Variants in SLMAP observed in about 807,000 individuals in gnomAD.
SLMAP encodes the protein sarcolemma associated protein, also known as sarcolemmal membrane-associated protein.
Under a neutral mutation model 128.8 loss-of-function variants are expected in SLMAP, and 44 were observed. The observed-to-expected ratio is 0.34, with a 90% CI of 0.27 to 0.44. The LOEUF is 0.44. SLMAP is among the 20% of genes least tolerant of loss of function. The probability of loss-of-function intolerance (pLI) is 1.00; values close to 1 mark genes in which losing one functional copy is unlikely to be tolerated. For synonymous variants in SLMAP, 327 were observed against 348.8 expected (o/e 0.94, Z 0.70); for missense variants, 787 against 985.3 (o/e 0.80, Z 2.69).
chr3:57,815,861 C>T (rs1197317139), intron 2 of SLMAP, among the ~76,000 whole-genome samples: 1 of 151,976 alleles, frequency 6.6e-6, no homozygotes, highest in East Asian at 1.9e-4. Flanking sequence ...GAATCAGTTC[C>T]CTGACTGAAA....
chr3:57,787,383 T>C (rs901508620), intron 2 of SLMAP, among the ~76,000 whole-genome samples: 5 of 152,222 alleles, frequency 3.3e-5, no homozygotes, highest in Admixed American at 3.3e-4. Flanking sequence ...AATCATATTT[T>C]CAAGCTAAAA....
chr3:57,848,235 G>T (rs2094344073), intron 5 of SLMAP, among the ~76,000 whole-genome samples: 2 of 142,522 alleles, frequency 1.4e-5, no homozygotes, highest in South Asian at 2.3e-4. Flanking sequence ...CCTCCTTCTT[G>T]GTTTTTTCTC....
chr3:57,918,475 T>G (rs1377966123), intron 22 of SLMAP: 3 of 152,234 alleles, frequency 2.0e-5, no homozygotes, highest in African/African-American at 7.2e-5. Flanking sequence ...GCAGCACATT[T>G]AAAAATATGT....
chr3:57,925,969 TC>T, intron 24 of SLMAP, 35 bp downstream of exon 24: 1 of 1,444,338 alleles, frequency 6.9e-7, no homozygotes, highest in Non-Finnish European at 9.5e-7. Context: ...TGTCTGTTTG[TC>T]CCCGTCACCT....
Position 57,757,650 on chromosome 3 carries a change from C to T in SLMAP, c.-2C>T. ...AGGAGAGACACCCCCAGTCTATCCTCGATGCCGTCAGCCTTGGCCATCTTC... is the reference window on the plus strand; with the variant it reads ...AGGAGAGACACCCCCAGTCTATCCTTGATGCCGTCAGCCTTGGCCATCTTC... On this transcript the variant is annotated 5_prime_UTR_variant, in exon 2 of 25. Transcript: ENST00000671191. The T allele has an allele frequency of 6.2e-7, 1 of 1,613,912 alleles. No individual in the cohort carries two copies. Among genetic ancestry groups the T allele is most frequent in the Non-Finnish European group, 8.5e-7 (1 of 1,179,966 alleles).
At chr3:57,758,093 G>A (rs905280406) in intron 2 of SLMAP, among the ~76,000 whole-genome samples, 6 of 152,124 alleles carry the variant, frequency 3.9e-5, no homozygotes, top group Non-Finnish European at 5.9e-5. Context: ...TTGATAACGT[G>A]GTCATTCCCA....
intron 6 of SLMAP, among the ~76,000 whole-genome samples, chr3:57,855,919 T>C (rs560182794): frequency 1.3e-5 from 2 of 151,958 alleles, no homozygotes; most frequent in Admixed American, 6.6e-5. Context: ...TGGTGCTGCA[T>C]GTCATCCCAG....
intron 2 of SLMAP, among the ~76,000 whole-genome samples, chr3:57,762,304 G>A (rs184825830): frequency 1.3e-5 from 2 of 152,092 alleles, no homozygotes; most frequent in Admixed American, 1.3e-4. Context: ...GGGAGGCGGA[G>A]GTTGCAGTGA....
intron 2 of SLMAP, among the ~76,000 whole-genome samples, chr3:57,825,071 AAC>A (rs1319657408): frequency 6.6e-6 from 1 of 152,154 alleles, no homozygotes; most frequent in African/African-American, 2.4e-5. Context: ...GGTATGTAGA[AAC>A]ACTGTTTTTT....
rs78203952 is a variant in SLMAP at position 57,827,310 on chromosome 3, G to A, written c.199-4073G>A. Among the ~76,000 whole-genome samples, 86 of 152,334 alleles carry A rather than the reference G, an allele frequency of 5.6e-4. 1 individual carries two copies. Among genetic ancestry groups the A allele is most frequent in the African/African-American group, 1.9e-3 (80 of 41,580 alleles). On this transcript the variant is annotated intron_variant, in intron 2 of 24. Coordinates refer to ENST00000671191, the MANE Select transcript of SLMAP (RefSeq NM_001377540.1). ...GAAAATATTTACAGATTGTAGCAAAGTTGAAAGTGATGCAAAATGTATGTA... is the reference window on the plus strand; with the variant it reads ...GAAAATATTTACAGATTGTAGCAAAATTGAAAGTGATGCAAAATGTATGTA...
chr3:57,868,375 C>T (rs549181389), intron 13 of SLMAP, among the ~76,000 whole-genome samples: 12 of 151,740 alleles, frequency 7.9e-5, no homozygotes, highest in East Asian at 1.9e-4. Context: ...CCCAGAAGCT[C>T]GAAACCAGCC....
Position 57,923,043 on chromosome 3 carries a change from G to T in SLMAP, c.2445+20G>T. The T allele has an allele frequency of 6.2e-7, 1 of 1,610,912 alleles. No individual in the cohort carries two copies. Among genetic ancestry groups the T allele is most frequent in the South Asian group, 1.1e-5 (1 of 90,790 alleles). On this transcript the variant is annotated intron_variant, in intron 23 of 24. Transcript: ENST00000671191. ...AATAATGTAAGTCTTTGCAAACTTG[G>T]CTTAGCTTTGATTGAGAGGCACATG...
chr3:57,839,938 T>C (rs1460932716), intron 3 of SLMAP, among the ~76,000 whole-genome samples: 1 of 152,200 alleles, frequency 6.6e-6, no homozygotes, highest in African/African-American at 2.4e-5. Flanking sequence ...TCTGCCCACC[T>C]CAGCCTACCA....
At chr3:57,917,251 G>A (rs2153698730) in intron 22 of SLMAP, 174 bp downstream of exon 22, 1 of 1,460,554 alleles carries the variant, frequency 6.8e-7, no homozygotes, top group Non-Finnish European at 9.1e-7. Flanking sequence ...TGGTCCATAT[G>A]TAGAGAATTC....
chr3:57,864,749 T>C, intron 11 of SLMAP, 33 bp downstream of exon 11: 1 of 1,574,390 alleles, frequency 6.4e-7, no homozygotes, highest in Non-Finnish European at 8.6e-7. Context: ...GATTTTATTT[T>C]ATTTTTTTTC....
At chr3:57,788,479 G>T (rs2084724824) in intron 2 of SLMAP, among the ~76,000 whole-genome samples, 1 of 152,150 alleles carries the variant, frequency 6.6e-6, no homozygotes, top group African/African-American at 2.4e-5. Context: ...ATAGACTTGG[G>T]AGTTATCAGC....
intron 21 of SLMAP, among the ~76,000 whole-genome samples, chr3:57,914,354 A>G (rs969741337): frequency 1.3e-5 from 2 of 152,146 alleles, no homozygotes; most frequent in Non-Finnish European, 2.9e-5. Flanking sequence ...TGATCACACC[A>G]CTGTAGTCTA....
At chr3:57,924,181 C>T (rs1454183033) in intron 23 of SLMAP, among the ~76,000 whole-genome samples, 3 of 152,048 alleles carry the variant, frequency 2.0e-5, no homozygotes, top group Non-Finnish European at 4.4e-5. Flanking sequence ...AGTAACTTTG[C>T]TATTATTATT....
At chr3:57,924,016 C>T (rs2096959622) in intron 23 of SLMAP, among the ~76,000 whole-genome samples, 1 of 152,098 alleles carries the variant, frequency 6.6e-6, no homozygotes, top group Non-Finnish European at 1.5e-5. Context: ...TTACATAACT[C>T]TTCTAAAATC....
Sources: gnomAD v4.1 joint callset for allele counts (sites outside exome capture counted in the v4.1 genomes callset) on GRCh38, gnomAD v4.1.1 for gene constraint, MANE v1.5 for transcripts, NCBI Gene and HGNC (gene_info 2026-07-23, HGNC 2026-07-21) for gene names.